The following CCDC60 variants were observed in gnomAD, a reference collection of about 807,000 sequenced individuals.
CCDC60 encodes the protein coiled-coil domain containing 60.
In CCDC60, 54 loss-of-function variants were observed where a neutral mutation model predicts 63.5. The ratio of observed to expected loss-of-function variants is 0.85; its 90% CI spans 0.68 to 1.07. The LOEUF (loss-of-function observed/expected upper bound fraction) is 1.07, where lower values mean the gene tolerates loss of function less well. Among genes scored for constraint, CCDC60 ranks in the 50% least tolerant of loss-of-function variants. The probability of loss-of-function intolerance (pLI) is 0.00; values close to 1 mark genes in which losing one functional copy is unlikely to be tolerated. For synonymous variants in CCDC60, 206 were observed against 238.8 expected (o/e 0.86, Z 1.27); for missense variants, 651 against 684.3 (o/e 0.95, Z 0.54).
chr12:119,337,664 C>G lies in CCDC60; in HGVS notation c.90+2398C>G, dbSNP rs147592415. Among the ~76,000 whole-genome samples, 110 of 152,252 alleles carry G rather than the reference C, an allele frequency of 7.2e-4. 1 individual carries two copies. The East Asian group carries it at 0.017, about 24-fold the overall frequency. ...AAAAATGAGACTCGCCTTCAAGAAT[C>G]TTACAATCTATAGTGTGTATGCTTG... On this transcript the variant is annotated intron_variant, in intron 1 of 13. Coordinates refer to ENST00000327554, the MANE Select transcript of CCDC60 (RefSeq NM_178499.5).
intron 1 of CCDC60, among the ~76,000 whole-genome samples, chr12:119,391,954 T>C (rs112347193): frequency 7.0e-4 from 106 of 152,202 alleles, no homozygotes; most frequent in Middle Eastern, 3.4e-3. Context: ...CACTGTGCAA[T>C]TGGGTGTGCA....
intron 2 of CCDC60, among the ~76,000 whole-genome samples, chr12:119,452,821 T>TTTTTTG (rs1555244719): frequency 6.6e-6 from 1 of 151,866 alleles, no homozygotes; most frequent in East Asian, 1.9e-4. Flanking sequence ...CTTGTTTTTT[T>TTTTTTG]TTTGTTTGTT....
chr12:119,510,227 G>A (rs708881), intron 7 of CCDC60, among the ~76,000 whole-genome samples: 70,096 of 152,016 alleles, frequency 0.46, 16,785 homozygotes, highest in African/African-American at 0.6. Context: ...TCTCTAATAC[G>A]TTACCTCTGA....
intron 2 of CCDC60, among the ~76,000 whole-genome samples, chr12:119,455,943 GAGAA>G (rs1280792184): frequency 2.2e-5 from 2 of 91,300 alleles, no homozygotes; most frequent in East Asian, 3.9e-4. Context: ...GAGAAAGAGA[GAGAA>G]AGGAAGGAAG....
intron 1 of CCDC60, among the ~76,000 whole-genome samples, chr12:119,387,034 T>TCTCACACACACACACACACACACACACA (rs543330015): frequency 9.5e-6 from 1 of 105,404 alleles, no homozygotes; most frequent in East Asian, 3.9e-4. Context: ...TCTGTCTCTC[T>TCTCACACACACACACACACACACACACA]CACACACACA....
At chr12:119,409,886 T>C (rs1232031234) in intron 1 of CCDC60, among the ~76,000 whole-genome samples, 1 of 152,018 alleles carries the variant, frequency 6.6e-6, no homozygotes, top group African/African-American at 2.4e-5. Flanking sequence ...TGCCCTCTTT[T>C]CCCACCTCCC....
chr12:119,522,858 C>G, intron 9 of CCDC60, 81 bp from the exon 10 acceptor site: 1 of 1,189,140 alleles, frequency 8.4e-7, no homozygotes, highest in Non-Finnish European at 1.3e-6. Flanking sequence ...TGGAAGCTAG[C>G]AGGTGCCATG....
intron 1 of CCDC60, among the ~76,000 whole-genome samples, chr12:119,349,739 G>C (rs530362345): frequency 7.2e-5 from 11 of 152,230 alleles, no homozygotes; most frequent in Admixed American, 3.3e-4. Context: ...TCCCCTCCAA[G>C]AACCCTGTGA....
intron 2 of CCDC60, among the ~76,000 whole-genome samples, chr12:119,468,674 T>A (rs1950999588): frequency 9.6e-6 from 1 of 103,654 alleles, no homozygotes; most frequent in African/African-American, 4.1e-5. Flanking sequence ...AAAGAAAAAC[T>A]AAACAATGAA....
At chr12:119,343,761 G>A (rs939147889) in intron 1 of CCDC60, among the ~76,000 whole-genome samples, 34 of 151,630 alleles carry the variant, frequency 2.2e-4, no homozygotes, top group African/African-American at 5.8e-4. Context: ...AATCTTGAAC[G>A]TTGGCTGGAT....
intron 2 of CCDC60, among the ~76,000 whole-genome samples, chr12:119,454,713 A>T (rs1199578289): frequency 2.6e-5 from 4 of 152,250 alleles, no homozygotes; most frequent in Non-Finnish European, 5.9e-5. Context: ...TGTCTCTTGG[A>T]ACTGTATTCT....
intron 3 of CCDC60, among the ~76,000 whole-genome samples, chr12:119,478,875 G>A (rs1367984020): frequency 6.6e-6 from 1 of 151,884 alleles, no homozygotes; most frequent in Non-Finnish European, 1.5e-5. Context: ...AAAGTGCTGG[G>A]ATTACAGGCA....
chr12:119,363,566 A>G (rs1283739446), intron 1 of CCDC60, among the ~76,000 whole-genome samples: 2 of 152,134 alleles, frequency 1.3e-5, no homozygotes, highest in Admixed American at 1.3e-4. Flanking sequence ...TTCTATATGT[A>G]TTAGAAAGCC....
At chr12:119,347,897 G>A (rs995183396) in intron 1 of CCDC60, among the ~76,000 whole-genome samples, 1 of 152,060 alleles carries the variant, frequency 6.6e-6, no homozygotes, top group East Asian at 1.9e-4. Flanking sequence ...CTTCAAAATC[G>A]AAGCCAATGG....
At chr12:119,524,876 G>C (rs547279867) in intron 11 of CCDC60, among the ~76,000 whole-genome samples, 1 of 151,684 alleles carries the variant, frequency 6.6e-6, no homozygotes, top group South Asian at 2.1e-4. Context: ...ATATTTTCCA[G>C]GCTGGTGTCA....
intron 6 of CCDC60, among the ~76,000 whole-genome samples, chr12:119,503,190 T>TA (rs1348059521): frequency 4.6e-5 from 7 of 151,930 alleles, no homozygotes; most frequent in Non-Finnish European, 8.8e-5. Context: ...AAAATAAAAA[T>TA]AAAAAAATTA....
At chr12:119,337,329 G>A (rs1278537398) in intron 1 of CCDC60, among the ~76,000 whole-genome samples, 2 of 152,216 alleles carry the variant, frequency 1.3e-5, no homozygotes, top group East Asian at 1.9e-4. Flanking sequence ...CTTCAATAGC[G>A]AGGGTGAACA....
chr12:119,397,320 G>C (rs935299600), intron 1 of CCDC60, among the ~76,000 whole-genome samples: 3 of 152,144 alleles, frequency 2.0e-5, no homozygotes, highest in South Asian at 4.1e-4. Flanking sequence ...TCCCTTATCT[G>C]GCCCTACCCA....
chr12:119,465,449 T>G (rs1481491613), intron 2 of CCDC60, among the ~76,000 whole-genome samples: 4 of 151,878 alleles, frequency 2.6e-5, no homozygotes, highest in Non-Finnish European at 5.9e-5. Flanking sequence ...TGACTGTAAC[T>G]TCTACTTCTC....
Sources: gnomAD v4.1 joint callset for allele counts (sites outside exome capture counted in the v4.1 genomes callset) on GRCh38, gnomAD v4.1.1 for gene constraint, MANE v1.5 for transcripts, NCBI Gene and HGNC (gene_info 2026-07-23, HGNC 2026-07-21) for gene names.